SPAST: variants seen among roughly 807,000 people sequenced by gnomAD.
The protein encoded by SPAST is spastic paraplegia 4 (autosomal dominant; spastin).
In SPAST, 30 loss-of-function variants were observed where a neutral mutation model predicts 76.6. The ratio of observed to expected loss-of-function variants is 0.39; its 90% CI spans 0.29 to 0.53. The LOEUF (loss-of-function observed/expected upper bound fraction) is 0.53, where lower values mean the gene tolerates loss of function less well. SPAST is among the 20% of genes least tolerant of loss of function. The pLI is 0.68. For synonymous variants in SPAST, 305 were observed against 281.0 expected, an observed-to-expected ratio of 1.09 and a Z score of -0.86; for missense variants, 717 against 770.5, an observed-to-expected ratio of 0.93 and a Z score of 0.82.
At chr2:32,103,853 C>CTT (rs1471701240) in intron 4 of SPAST, among the ~76,000 whole-genome samples, 4 of 152,070 alleles carry the variant, frequency 2.6e-5, no homozygotes, top group Admixed American at 1.3e-4. Flanking sequence ...AATTTCTGTT[C>CTT]TTTTACATTT....
At chr2:32,084,358 G>T (rs2148706294) in intron 1 of SPAST, among the ~76,000 whole-genome samples, 1 of 150,286 alleles carries the variant, frequency 6.7e-6, no homozygotes, top group Non-Finnish European at 1.5e-5. Context: ...TAGAGACAGG[G>T]TTTCACTGTG....
intron 3 of SPAST, among the ~76,000 whole-genome samples, chr2:32,093,310 CAAAAAAAA>C (rs34291087): frequency 1.6e-5 from 1 of 62,184 alleles, no homozygotes; most frequent in Non-Finnish European, 2.9e-5. Context: ...GACTCCGTCT[CAAAAAAAA>C]AAAAAAAAAA....
chr2:32,086,305 C>A (rs1430710292), intron 1 of SPAST, among the ~76,000 whole-genome samples: 4 of 150,186 alleles, frequency 2.7e-5, no homozygotes, highest in Non-Finnish European at 5.9e-5. Flanking sequence ...AAAAGAAATA[C>A]ACAAAAATTA....
At chr2:32,137,320 C>T (rs1679572733) in intron 12 of SPAST, 132 bp downstream of exon 12, 1 of 766,952 alleles carries the variant, frequency 1.3e-6, no homozygotes, top group Non-Finnish European at 2.3e-6. Flanking sequence ...CTATCTCTAG[C>T]CTCTTGTTAC....
intron 1 of SPAST, among the ~76,000 whole-genome samples, chr2:32,081,192 C>T (rs1007532614): frequency 1.3e-5 from 2 of 151,936 alleles, no homozygotes; most frequent in Admixed American, 1.3e-4. Flanking sequence ...CTCCTGATCT[C>T]ATGATCCACC....
intron 7 of SPAST, among the ~76,000 whole-genome samples, chr2:32,121,432 C>T (rs1298491087): frequency 1.3e-5 from 2 of 151,480 alleles, no homozygotes; most frequent in Admixed American, 6.6e-5. Context: ...TGAGCCACTG[C>T]GCCCAGCCCC....
chr2:32,126,684 C>T, intron 7 of SPAST: 1 of 310,900 alleles, frequency 3.2e-6, no homozygotes. Flanking sequence ...GCAGAGTTCC[C>T]CTATGTTGCC....
At chr2:32,084,539 C>T (rs1022950651) in intron 1 of SPAST, among the ~76,000 whole-genome samples, 1 of 151,906 alleles carries the variant, frequency 6.6e-6, no homozygotes, top group Non-Finnish European at 1.5e-5. Context: ...AATGTTACAG[C>T]ATTGTTTGAA....
chr2:32,105,664 A>G (rs1678291704), intron 4 of SPAST, among the ~76,000 whole-genome samples: 1 of 152,006 alleles, frequency 6.6e-6, no homozygotes, highest in Admixed American at 6.6e-5. Context: ...TCTGTTTGTT[A>G]ATTTTCCTTC....
intron 1 of SPAST, among the ~76,000 whole-genome samples, chr2:32,078,464 C>T (rs1193138487): frequency 6.6e-6 from 1 of 152,196 alleles, no homozygotes; most frequent in African/African-American, 2.4e-5. Context: ...GTGTGAGCCA[C>T]TGTGCCCGGC....
At chr2:32,089,501 T>C in intron 2 of SPAST, 21 bp from the exon 3 acceptor site, 1 of 1,344,564 alleles carries the variant, frequency 7.4e-7, no homozygotes, top group South Asian at 1.2e-5. Context: ...GTAGATATTT[T>C]AATTAATTTT....
chr2:32,072,601 T>C (rs1421197793), intron 1 of SPAST, among the ~76,000 whole-genome samples: 2 of 152,134 alleles, frequency 1.3e-5, no homozygotes, highest in Non-Finnish European at 1.5e-5. Flanking sequence ...ATGAGTCAGT[T>C]GGGGGTCTTA....
intron 7 of SPAST, among the ~76,000 whole-genome samples, chr2:32,119,213 A>G (rs1311582211): frequency 1.3e-5 from 2 of 152,166 alleles, no homozygotes; most frequent in African/African-American, 4.8e-5. Flanking sequence ...AAGAAAGGGA[A>G]TATTATTGTC....
chr2:32,136,957 G>C lies in SPAST; in HGVS notation c.1402G>C (p.Glu468Gln). The change falls in exon 11 of 17, where the codon GAA becomes CAA. Residue 468 changes from glutamate (E) to glutamine (Q), a missense_variant. Glu to Gln is a conservative substitution (Grantham distance 29). Transcript: ENST00000315285. Reference protein sequence around the residue: ...SRRLKTEFLIEFDGVQSAGDD... With the variant: ...SRRLKTEFLIQFDGVQSAGDD... The stretch of plus-strand genomic sequence containing the variant: ...ACGCCTAAAAACTGAATTTCTAATA[G>C]AATTTGATGGTGTAAGTGTTGATTA... 1 of 1,611,700 alleles carries C rather than the reference G, an allele frequency of 6.2e-7. No individual in the cohort carries two copies. The highest frequency in any genetic ancestry group is 8.5e-7 in the Non-Finnish European group (1 of 1,177,948).
At chr2:32,148,023 C>G (rs1369277483) in intron 16 of SPAST, among the ~76,000 whole-genome samples, 1 of 150,210 alleles carries the variant, frequency 6.7e-6, no homozygotes, top group African/African-American at 2.5e-5. Flanking sequence ...GCCTTGACCT[C>G]TTGGTCTCAA....
intron 4 of SPAST, among the ~76,000 whole-genome samples, chr2:32,114,048 A>G (rs915917216): frequency 3.3e-5 from 5 of 152,074 alleles, no homozygotes; most frequent in Admixed American, 1.3e-4. Context: ...GGTTCAAGCA[A>G]TTCTCCTGCC....
intron 15 of SPAST, among the ~76,000 whole-genome samples, chr2:32,146,430 A>G (rs1298070587): frequency 6.6e-6 from 1 of 152,102 alleles, no homozygotes; most frequent in Non-Finnish European, 1.5e-5. Context: ...GCCCGTTGGC[A>G]TGAGCCTGTA....
Position 32,123,637 on chromosome 2 carries a change from A to G in SPAST, c.1099-3311A>G, listed in dbSNP as rs189420701. ...ATTTCAAGACTTACTGTAAAGCTAC[A>G]TTAATCAAGACAGCATGTCATTGGC... is the stretch of plus-strand genomic sequence containing the variant. On this transcript the variant is annotated intron_variant, in intron 7 of 16. Transcript: ENST00000315285. Among the ~76,000 whole-genome samples, 13 of 152,372 alleles carry G rather than the reference A, an allele frequency of 8.5e-5. No homozygotes were observed. In the East Asian group the frequency reaches 1.9e-3, roughly 23 times the overall value.
At chr2:32,079,321 G>C (rs1677104211) in intron 1 of SPAST, among the ~76,000 whole-genome samples, 1 of 151,736 alleles carries the variant, frequency 6.6e-6, no homozygotes, top group Non-Finnish European at 1.5e-5. Flanking sequence ...TTCAAGACCA[G>C]CCTGGGCAAT....
Sources: allele counts gnomAD v4.1 joint callset (sites outside exome capture counted in the v4.1 genomes callset), GRCh38; gene constraint gnomAD v4.1.1; transcripts MANE v1.5; gene names NCBI Gene and HGNC (gene_info 2026-07-23, HGNC 2026-07-21).